The following CNTN5 variants were observed in gnomAD, a reference collection of about 807,000 sequenced individuals.
The protein encoded by CNTN5 is contactin 5, also known as contactin-5.
A neutral mutation model predicts 129.1 loss-of-function variants in CNTN5; 77 were observed. The ratio of observed to expected loss-of-function variants is 0.60; its 90% confidence interval spans 0.50 to 0.72. CNTN5 has a LOEUF of 0.72. Ranked by LOEUF, CNTN5 falls within the 30% of genes least tolerant of loss-of-function variation. The probability of loss-of-function intolerance (pLI) is 0.00; values close to 1 mark genes in which losing one functional copy is unlikely to be tolerated. For missense variants in CNTN5, 1,478 were observed against 1,328.8 expected, an observed-to-expected ratio of 1.11 and a Z score of -1.75; for synonymous variants, 509 against 465.6, an observed-to-expected ratio of 1.09 and a Z score of -1.20.
At chr11:99,986,651 C>T (rs1199185920) in intron 8 of CNTN5, among the ~76,000 whole-genome samples, 1 of 152,094 alleles carries the variant, frequency 6.6e-6, no homozygotes, top group Non-Finnish European at 1.5e-5. Flanking sequence ...TTCATAGCTC[C>T]CTCCAACTTC....
chr11:99,244,847 C>T (rs528830955), intron 1 of CNTN5, among the ~76,000 whole-genome samples: 1 of 152,252 alleles, frequency 6.6e-6, no homozygotes, highest in East Asian at 1.9e-4. Flanking sequence ...GTACCTCTCT[C>T]CTATTCCTTC....
chr11:100,271,060 A>G lies in CNTN5; in HGVS notation c.2165-32A>G, dbSNP rs778481057. 27 of 1,557,218 alleles carry G rather than the reference A, an allele frequency of 1.7e-5. No individual in the cohort carries two copies. The South Asian group carries it at 3.0e-4, about 17-fold the overall frequency. ...CATTTGTAGCATTTTTCTAGTCCTC[A>G]TAATGACATGAAATTTCCTTCCTTT... On this transcript the variant is annotated intron_variant, in intron 17 of 24. Transcript: ENST00000524871.
intron 1 of CNTN5, among the ~76,000 whole-genome samples, chr11:99,210,280 T>A (rs539696028): frequency 5.1e-4 from 77 of 152,314 alleles, no homozygotes; most frequent in African/African-American, 1.7e-3. Flanking sequence ...ACCCTAACCT[T>A]CCTTCTCAAT....
intron 2 of CNTN5, among the ~76,000 whole-genome samples, chr11:99,401,404 G>T (rs1193929263): frequency 6.6e-6 from 1 of 151,996 alleles, no homozygotes; most frequent in Non-Finnish European, 1.5e-5. Context: ...ATGTGGATTT[G>T]TTCATGGGTT....
In CNTN5 at chr11:99,214,790, G is replaced by A. The variant is rs143150516; in HGVS notation, c.-209-110556G>A. Among the ~76,000 whole-genome samples, 549 of 152,116 alleles carry A rather than the reference G, an allele frequency of 3.6e-3. 1 individual carries two copies. The highest frequency in any genetic ancestry group is 0.013 in the African/African-American group (528 of 41,508). ...TAGGTTTCAATAAGTCATTTAACAAGGAATTCCAGTGATACCATAAACTTT... is the reference window on the plus strand; with the variant it reads ...TAGGTTTCAATAAGTCATTTAACAAAGAATTCCAGTGATACCATAAACTTT... On this transcript the variant is annotated intron_variant, in intron 1 of 24. Coordinates refer to ENST00000524871, the MANE Select transcript of CNTN5 (RefSeq NM_014361.4).
chr11:99,791,054 C>T (rs1457034929), intron 3 of CNTN5, among the ~76,000 whole-genome samples: 2 of 151,652 alleles, frequency 1.3e-5, no homozygotes, highest in East Asian at 1.9e-4. Context: ...AGACCTTAGT[C>T]AGATGCATAG....
chr11:100,218,756 G>C (rs1949196925), intron 15 of CNTN5, among the ~76,000 whole-genome samples: 1 of 152,148 alleles, frequency 6.6e-6, no homozygotes, highest in Non-Finnish European at 1.5e-5. Flanking sequence ...GGAACTGCTT[G>C]AAGGTTCAGA....
rs202080530 is a variant in CNTN5, at chr11:99,618,311, A to G, written c.55+62042A>G. 1.3e-4 allele frequency among the ~76,000 whole-genome samples: 20 copies of G among 152,300 alleles called. No homozygotes were observed. In the East Asian group the frequency reaches 3.7e-3, roughly 28 times the overall value. Reference sequence around the variant, plus strand: ...GAATAGTCTTCATGAAATTCTTATAAACTAACCGAAGGCAGGAACATGGTG... The same window carrying G: ...GAATAGTCTTCATGAAATTCTTATAGACTAACCGAAGGCAGGAACATGGTG... On this transcript the variant is annotated intron_variant, in intron 3 of 24. Coordinates refer to ENST00000524871, the MANE Select transcript of CNTN5 (RefSeq NM_014361.4).
intron 1 of CNTN5, among the ~76,000 whole-genome samples, chr11:99,317,843 T>C (rs561958325): frequency 7.2e-5 from 11 of 152,290 alleles, no homozygotes; most frequent in Admixed American, 5.2e-4. Flanking sequence ...AGAAAACTTC[T>C]ATAAATAGTT....
At chr11:100,171,249 C>A (rs1054351849) in intron 13 of CNTN5, among the ~76,000 whole-genome samples, 1 of 151,942 alleles carries the variant, frequency 6.6e-6, no homozygotes, top group African/African-American at 2.4e-5. Flanking sequence ...AAGAACCATC[C>A]CAGGTGGGGA....
At chr11:99,238,369 A>T (rs1291175137) in intron 1 of CNTN5, among the ~76,000 whole-genome samples, 1 of 152,156 alleles carries the variant, frequency 6.6e-6, no homozygotes, top group Non-Finnish European at 1.5e-5. Context: ...ATTGGCATAA[A>T]ATGCAATCTG....
chr11:99,072,433 A>C (rs1229902168), intron 1 of CNTN5, among the ~76,000 whole-genome samples: 2 of 152,132 alleles, frequency 1.3e-5, no homozygotes, highest in Admixed American at 6.6e-5. Flanking sequence ...TTGAATGATA[A>C]AATTATGATT....
At chr11:100,332,228 A>G (rs988820776) in intron 21 of CNTN5, among the ~76,000 whole-genome samples, 1 of 152,138 alleles carries the variant, frequency 6.6e-6, no homozygotes, top group African/African-American at 2.4e-5. Flanking sequence ...TAAACTAGAA[A>G]ATCTAGAGGA....
At chr11:100,301,670 G>T (rs1322141085) in intron 20 of CNTN5, among the ~76,000 whole-genome samples, 2 of 151,584 alleles carry the variant, frequency 1.3e-5, no homozygotes. Context: ...TCATTAGAGT[G>T]TGTCAACCAA....
intron 2 of CNTN5, among the ~76,000 whole-genome samples, chr11:99,545,763 A>G (rs1483875302): frequency 1.3e-5 from 2 of 152,116 alleles, no homozygotes; most frequent in Non-Finnish European, 2.9e-5. Context: ...TTCATGCAGA[A>G]CCCTGAACAG....
chr11:99,564,821 T>C (rs986575375), intron 3 of CNTN5, among the ~76,000 whole-genome samples: 9 of 152,216 alleles, frequency 5.9e-5, no homozygotes, highest in African/African-American at 2.2e-4. Flanking sequence ...TTTCAATTTA[T>C]AAGCAGCTTT....
At chr11:99,455,535 C>G (rs1423193095) in intron 2 of CNTN5, among the ~76,000 whole-genome samples, 10 of 151,714 alleles carry the variant, frequency 6.6e-5, no homozygotes, top group African/African-American at 2.2e-4. Context: ...GAAGAGTATG[C>G]TGTTGTCGAA....
intron 16 of CNTN5, among the ~76,000 whole-genome samples, chr11:100,236,162 C>T (rs574067551): frequency 6.6e-6 from 1 of 152,276 alleles, no homozygotes; most frequent in South Asian, 2.1e-4. Context: ...AGGTCAATTC[C>T]TAGTCAACAT....
chr11:99,075,713 A>G (rs1865536295), intron 1 of CNTN5, among the ~76,000 whole-genome samples: 1 of 152,350 alleles, frequency 6.6e-6, no homozygotes, highest in South Asian at 2.1e-4. Context: ...ATAAAATATC[A>G]TATGATCAGA....
Sources: allele counts gnomAD v4.1 joint callset (sites outside exome capture counted in the v4.1 genomes callset), GRCh38; gene constraint gnomAD v4.1.1; transcripts MANE v1.5; gene names NCBI Gene and HGNC (gene_info 2026-07-23, HGNC 2026-07-21).